Variants in CORIN observed in about 807,000 individuals in gnomAD.
CORIN encodes atrial natriuretic peptide-converting enzyme.
Under a neutral mutation model 125.3 loss-of-function variants are expected in CORIN, and 117 were observed. The observed-to-expected ratio is 0.93, with a 90% CI of 0.80 to 1.09. The LOEUF is 1.09. CORIN is among the 50% of genes least tolerant of loss of function. CORIN has a pLI of 0.00. For missense variants in CORIN, 1,253 were observed against 1,306.7 expected, an observed-to-expected ratio of 0.96 and a Z score of 0.63; for synonymous variants, 450 against 466.4, an observed-to-expected ratio of 0.96 and a Z score of 0.45.
chr4:47,815,401 G>C (rs978261291), intron 1 of CORIN, among the ~76,000 whole-genome samples: 3 of 152,114 alleles, frequency 2.0e-5, no homozygotes, highest in African/African-American at 7.2e-5. Context: ...GATATCTTCA[G>C]AGGCAACAGG....
chr4:47,603,493 C>T lies in CORIN; in HGVS notation c.2716G>A (p.Gly906Ser), dbSNP rs748766579. ...VELSEDISET[G>S]YVRPVCLPNP... ...GGCAAGCAGACAGGCCGGACGTAGC[C>T]AGTCTCACTGATGTCTTCACTCAGC... Residue 906 changes from glycine to serine, a missense_variant, in exon 20 of 22, where the codon GGC (glycine) becomes AGC (serine). By Grantham distance (56) the Gly-to-Ser change is moderately conservative. Coordinates refer to ENST00000273857, the MANE Select transcript of CORIN (RefSeq NM_006587.4). The T allele has an allele frequency of 3.1e-6, 5 of 1,614,178 alleles. No homozygotes were observed. The South Asian group carries it at 5.5e-5, about 18-fold the overall frequency.
intron 2 of CORIN, among the ~76,000 whole-genome samples, chr4:47,792,335 G>A (rs1731117497): frequency 6.6e-6 from 1 of 152,162 alleles, no homozygotes; most frequent in South Asian, 2.1e-4. Context: ...ATTTTAGAAA[G>A]GTCTTAAATA....
intron 6 of CORIN, among the ~76,000 whole-genome samples, chr4:47,690,964 C>T (rs958290475): frequency 3.9e-5 from 6 of 152,198 alleles, no homozygotes; most frequent in Non-Finnish European, 7.3e-5. Flanking sequence ...ATTTCCCCAA[C>T]GGACCAAAAG....
At chr4:47,758,296 T>C (rs1259601891) in intron 4 of CORIN, among the ~76,000 whole-genome samples, 2 of 152,096 alleles carry the variant, frequency 1.3e-5, no homozygotes. Context: ...GAAAGATCTC[T>C]ACACAAATAA....
At chr4:47,669,626 T>C (rs1049417343) in intron 10 of CORIN, among the ~76,000 whole-genome samples, 2 of 151,426 alleles carry the variant, frequency 1.3e-5, no homozygotes, top group African/African-American at 4.9e-5. Flanking sequence ...TGGAGTGCAG[T>C]GGCACGATCT....
rs554719465 is a variant in CORIN at position 47,824,144 on chromosome 4, C to A, written c.63+13743G>T. Among the ~76,000 whole-genome samples the A allele has an allele frequency of 2.1e-5, 3 of 141,988 alleles. No individual in the cohort carries two copies. The South Asian group carries it at 6.6e-4, about 31-fold the overall frequency. 93.1% of individuals were successfully genotyped at this position (141,988 alleles called of 152,430 possible). A position where few individuals can be genotyped will look rare whatever the true frequency, so the allele number is the denominator to read the frequency against. On this transcript the variant is annotated intron_variant, in intron 1 of 21. Coordinates refer to ENST00000273857, the MANE Select transcript of CORIN (RefSeq NM_006587.4). ...TTTTTTTTTTTTTTACTCCTTTTTT[C>A]TCCTAAAGCATATATAAAGGAGAAT...
intron 5 of CORIN, among the ~76,000 whole-genome samples, chr4:47,703,668 C>G (rs2109763188): frequency 1.3e-5 from 2 of 152,286 alleles, no homozygotes; most frequent in South Asian, 4.1e-4. Context: ...TGCCGAGCAC[C>G]AAATCAGGTA....
chr4:47,795,549 A>G (rs917170038), intron 2 of CORIN, among the ~76,000 whole-genome samples: 11 of 152,038 alleles, frequency 7.2e-5, no homozygotes, highest in African/African-American at 2.7e-4. Context: ...TCCTATTAAC[A>G]AGGATTTCTT....
At chr4:47,630,078 C>G (rs1376971908) in intron 16 of CORIN, among the ~76,000 whole-genome samples, 1 of 152,244 alleles carries the variant, frequency 6.6e-6, no homozygotes, top group East Asian at 1.9e-4. Context: ...CATACATTTA[C>G]TTAACTAATC....
intron 16 of CORIN, among the ~76,000 whole-genome samples, chr4:47,638,292 T>C (rs1723106844): frequency 6.6e-6 from 1 of 152,134 alleles, no homozygotes; most frequent in African/African-American, 2.4e-5. Context: ...TGTGGACTCT[T>C]GAGGTAATGC....
rs1161642253 is a variant in CORIN at position 47,594,585 on chromosome 4, A to G, written c.*1136T>C. 2 of 152,274 alleles carry G rather than the reference A, an allele frequency of 1.3e-5. No homozygotes were observed. Among genetic ancestry groups the G allele is most frequent in the Non-Finnish European group, 2.9e-5 (2 of 68,016 alleles). The allele number at this position is 152,274 out of a possible 1,614,324, so 9.4% of individuals were successfully genotyped here. A position where few individuals can be genotyped will look rare whatever the true frequency, so the allele number is the denominator to read the frequency against. Reference sequence around the variant, plus strand: ...CAGATATTAAACATCTTTTGAGGAAAATTACAAAATGTTTTACTCCATGCA... The same window carrying G: ...CAGATATTAAACATCTTTTGAGGAAGATTACAAAATGTTTTACTCCATGCA... On this transcript the variant is annotated 3_prime_UTR_variant, in exon 22 of 22. Transcript: ENST00000273857.
At chr4:47,803,559 A>G (rs1415855495) in intron 2 of CORIN, among the ~76,000 whole-genome samples, 1 of 152,222 alleles carries the variant, frequency 6.6e-6, no homozygotes, top group African/African-American at 2.4e-5. Context: ...TCACACACCT[A>G]CATAGACCTC....
rs745690620 is a variant in CORIN, at chr4:47,744,516, T to A, written c.685A>T (p.Met229Leu). 3.1e-6 allele frequency: 5 copies of A among 1,612,958 alleles called. No individual in the cohort carries two copies. The South Asian group carries it at 5.5e-5, about 18-fold the overall frequency. ...AKEGCESVLGMVNYSWPDFLR... is the reference protein window; with the variant it reads ...AKEGCESVLGLVNYSWPDFLR... ...AAATCCGGCCAGGAGTAATTCACCATCCCCAGGACTGATTCACAGCCTTCT... is the reference window on the plus strand; with the variant it reads ...AAATCCGGCCAGGAGTAATTCACCAACCCCAGGACTGATTCACAGCCTTCT... The change falls in exon 5 of 22, where the codon ATG becomes TTG. Residue 229 changes from methionine to leucine, a missense_variant. Physicochemically the swap from Met to Leu is conservative, Grantham distance 15. Transcript: ENST00000273857.
intron 3 of CORIN, among the ~76,000 whole-genome samples, chr4:47,785,187 A>T (rs1257192221): frequency 6.6e-6 from 1 of 152,226 alleles, no homozygotes; most frequent in African/African-American, 2.4e-5. Context: ...ATGAAGAGCC[A>T]AGACAACTAT....
At chr4:47,822,517 G>T (rs2109977378) in intron 1 of CORIN, among the ~76,000 whole-genome samples, 1 of 152,210 alleles carries the variant, frequency 6.6e-6, no homozygotes, top group Admixed American at 6.5e-5. Context: ...CGTCTCTTTA[G>T]TCTTCTTCAG....
At chr4:47,776,403 T>G (rs997936061) in intron 3 of CORIN, among the ~76,000 whole-genome samples, 1 of 152,126 alleles carries the variant, frequency 6.6e-6, no homozygotes, top group Non-Finnish European at 1.5e-5. Flanking sequence ...GCGTGTGGTA[T>G]GAGCCACCAC....
At position 47,610,449 on chromosome 4, in the gene CORIN, G is replaced by GT. The variant is rs369204367; in HGVS notation, c.2541-6782dup. On this transcript the variant is annotated intron_variant, in intron 19 of 21. Coordinates refer to ENST00000273857, the MANE Select transcript of CORIN (RefSeq NM_006587.4). ...TGTCCTTTGCCCACTTTTTAATGGG[G>GT]TTTTTTTTTTCTTGTAAATTTAAGT... 3.7e-3 allele frequency among the ~76,000 whole-genome samples: 555 copies of GT among 148,516 alleles called. 1 individual carries two copies. Among genetic ancestry groups the GT allele is most frequent in the African/African-American group, 0.012 (470 of 40,740 alleles).
At chr4:47,629,802 G>GC (rs1722734695) in intron 16 of CORIN, among the ~76,000 whole-genome samples, 1 of 152,104 alleles carries the variant, frequency 6.6e-6, no homozygotes, top group South Asian at 2.1e-4. Flanking sequence ...AGCACTAAAA[G>GC]ACTAACTTGT....
intron 2 of CORIN, among the ~76,000 whole-genome samples, chr4:47,800,328 C>T (rs948326509): frequency 7.2e-5 from 11 of 152,022 alleles, no homozygotes; most frequent in Non-Finnish European, 1.5e-4. Flanking sequence ...GCAAAGCATT[C>T]CTCCTTTGCC....
Sources: allele counts gnomAD v4.1 joint callset (sites outside exome capture counted in the v4.1 genomes callset), GRCh38; gene constraint gnomAD v4.1.1; transcripts MANE v1.5; gene names NCBI Gene and HGNC (gene_info 2026-07-23, HGNC 2026-07-21).